STAG1: variants seen among roughly 807,000 people sequenced by gnomAD.
STAG1 encodes cohesin subunit SA-1.
Under a neutral mutation model 170.9 loss-of-function variants are expected in STAG1, and 26 were observed. The ratio of observed to expected loss-of-function variants is 0.15; its 90% confidence interval spans 0.11 to 0.21. The LOEUF (loss-of-function observed/expected upper bound fraction) is 0.21, where lower values mean the gene tolerates loss of function less well. Among genes scored for constraint, STAG1 ranks in the 10% least tolerant of loss-of-function variants. STAG1 has a pLI of 1.00. For synonymous variants in STAG1, 514 were observed against 497.7 expected (o/e 1.03, Z -0.44); for missense variants, 964 against 1,509.5 (o/e 0.64, Z 5.99).
Position 136,684,749 on chromosome 3 carries a change from C to G in STAG1, c.-83-53768G>C, listed in dbSNP as rs149913452. On this transcript the variant is annotated intron_variant, in intron 1 of 33. Transcript: ENST00000383202. ...CAAGATCACGACACTGTACTCCAGACTGGGCAACAGAGTGAGACCCTGTCT... is the reference window on the plus strand; with the variant it reads ...CAAGATCACGACACTGTACTCCAGAGTGGGCAACAGAGTGAGACCCTGTCT... 9.4e-3 allele frequency among the ~76,000 whole-genome samples: 1,291 copies of G among 137,034 alleles called. 25 individuals are homozygous for G. Among genetic ancestry groups the G allele is most frequent in the African/African-American group, 0.035 (1,255 of 35,630 alleles). 89.9% of individuals were successfully genotyped at this position (137,034 alleles called of 152,430 possible).
chr3:136,580,007 C>T (rs929817368), intron 4 of STAG1, among the ~76,000 whole-genome samples: 9 of 112,478 alleles, frequency 8.0e-5, no homozygotes, highest in African/African-American at 2.8e-4. Context: ...CTCACTCTGT[C>T]GCCAGGCTGG....
chr3:136,443,834 ATC>A (rs1295831728), intron 14 of STAG1, among the ~76,000 whole-genome samples: 2 of 152,146 alleles, frequency 1.3e-5, no homozygotes, highest in African/African-American at 2.4e-5. Flanking sequence ...CTTACTTCAC[ATC>A]TCTGTCATCT....
rs1420996635 is a variant in STAG1 at position 136,447,600 on chromosome 3, T to G, written c.1429-4196A>C. Among the ~76,000 whole-genome samples, 7 of 48,858 alleles carry G rather than the reference T, an allele frequency of 1.4e-4. No homozygotes were observed. The East Asian group carries it at 0.03, about 207-fold the overall frequency. The allele number at this position is 48,858 out of a possible 152,430, so 32.1% of individuals were successfully genotyped here. ...TATCCCTCTGAAAAGCATCACATTT[T>G]TTTTTTTTTTTTTTTTTTTTTTTTG... On this transcript the variant is annotated intron_variant, in intron 14 of 33. Coordinates refer to ENST00000383202, the MANE Select transcript of STAG1 (RefSeq NM_005862.3).
chr3:136,343,480 A>C (rs1287263152), intron 30 of STAG1, among the ~76,000 whole-genome samples: 1 of 152,204 alleles, frequency 6.6e-6, no homozygotes, highest in East Asian at 1.9e-4. Flanking sequence ...TGTCCAGACT[A>C]CTGACAACTT....
intron 1 of STAG1, among the ~76,000 whole-genome samples, chr3:136,669,839 A>C (rs963658366): frequency 6.6e-6 from 1 of 152,220 alleles, no homozygotes; most frequent in Admixed American, 6.5e-5. Flanking sequence ...AGTAGGAAAA[A>C]CCGTATTTAC....
chr3:136,716,608 T>C (rs1293666031), intron 1 of STAG1, among the ~76,000 whole-genome samples: 2 of 152,208 alleles, frequency 1.3e-5, no homozygotes, highest in African/African-American at 4.8e-5. Flanking sequence ...ATGGCACCAA[T>C]GCACTTCAGC....
chr3:136,694,697 C>CT (rs1236106437), intron 1 of STAG1, among the ~76,000 whole-genome samples: 1 of 151,886 alleles, frequency 6.6e-6, no homozygotes, highest in Non-Finnish European at 1.5e-5. Context: ...GACAAGGGAC[C>CT]TCAATAACCT....
At chr3:136,423,757 A>G (rs2107731897) in intron 16 of STAG1, among the ~76,000 whole-genome samples, 1 of 152,358 alleles carries the variant, frequency 6.6e-6, no homozygotes, top group Non-Finnish European at 1.5e-5. Context: ...TACGGAACAG[A>G]AACATTCCAA....
intron 6 of STAG1, among the ~76,000 whole-genome samples, chr3:136,533,588 G>T: frequency 6.6e-6 from 1 of 152,018 alleles, no homozygotes; most frequent in East Asian, 1.9e-4. Context: ...GGAGCAAGGG[G>T]GCAGGGATGC....
intron 7 of STAG1, chr3:136,518,182 A>G: frequency 2.4e-6 from 1 of 410,632 alleles, no homozygotes; most frequent in Non-Finnish European, 4.3e-6. Flanking sequence ...TACTACTGAT[A>G]AGACCACTCT....
intron 16 of STAG1, 93 bp downstream of exon 16, chr3:136,433,463 T>G (rs1243955557): frequency 1.2e-5 from 10 of 852,280 alleles, no homozygotes; most frequent in Non-Finnish European, 1.9e-5. Flanking sequence ...ACCATGTTTT[T>G]AGGGATACAA....
chr3:136,406,852 G>T (rs1231632928), intron 21 of STAG1, among the ~76,000 whole-genome samples: 1 of 139,378 alleles, frequency 7.2e-6, no homozygotes, highest in Non-Finnish European at 1.6e-5. Flanking sequence ...AGAATTAAAA[G>T]ATTTCCCAAA....
chr3:136,589,683 C>A (rs563121166), intron 4 of STAG1, among the ~76,000 whole-genome samples: 69 of 144,232 alleles, frequency 4.8e-4, no homozygotes, highest in South Asian at 1.7e-3. Context: ...GTAATCCCAG[C>A]ACTTTGGGAG....
intron 1 of STAG1, among the ~76,000 whole-genome samples, chr3:136,728,107 C>T (rs963244026): frequency 3.3e-5 from 5 of 151,734 alleles, no homozygotes; most frequent in Non-Finnish European, 7.4e-5. Flanking sequence ...TGCAGTAAGC[C>T]GAGGTTGCGC....
At chr3:136,591,725 T>C (rs1018825871) in intron 4 of STAG1, among the ~76,000 whole-genome samples, 1 of 152,166 alleles carries the variant, frequency 6.6e-6, no homozygotes, top group Non-Finnish European at 1.5e-5. Context: ...AATCTTTCCA[T>C]TTGGAACCAG....
At position 136,722,029 on chromosome 3, in the gene STAG1, C is replaced by T. The variant is rs538342944; in HGVS notation, c.-84+30166G>A. 8.6e-5 allele frequency among the ~76,000 whole-genome samples: 13 copies of T among 151,990 alleles called. No individual in the cohort carries two copies. In the East Asian group the frequency reaches 1.9e-3, roughly 23 times the overall value. ...TTGAGCTTCCAAGTTTGAGACCAGCCAAGGCAACATGGTGAGACCCCATCT... is the reference window on the plus strand; with the variant it reads ...TTGAGCTTCCAAGTTTGAGACCAGCTAAGGCAACATGGTGAGACCCCATCT... On this transcript the variant is annotated intron_variant, in intron 1 of 33. Transcript: ENST00000383202.
intron 16 of STAG1, among the ~76,000 whole-genome samples, chr3:136,428,651 T>C (rs561615116): frequency 2.0e-5 from 3 of 152,310 alleles, no homozygotes; most frequent in South Asian, 4.1e-4. Context: ...GAAAATGCCA[T>C]TGTTGTTCTA....
chr3:136,395,091 T>C (rs1418015086), intron 22 of STAG1, among the ~76,000 whole-genome samples: 1 of 151,566 alleles, frequency 6.6e-6, no homozygotes, highest in Non-Finnish European at 1.5e-5. Context: ...TGAGACCCTG[T>C]CTCAAAAATA....
chr3:136,591,523 A>G (rs917027751), intron 4 of STAG1: 1 of 437,444 alleles, frequency 2.3e-6, no homozygotes. Context: ...CCTGGACAAC[A>G]CTGACCTATT....
Sources: allele counts gnomAD v4.1 joint callset (sites outside exome capture counted in the v4.1 genomes callset), GRCh38; gene constraint gnomAD v4.1.1; transcripts MANE v1.5; gene names NCBI Gene and HGNC (gene_info 2026-07-23, HGNC 2026-07-21).